Variants in RFX7 observed in about 807,000 individuals in gnomAD.
RFX7 encodes DNA-binding protein RFX7.
A neutral mutation model predicts 111.8 loss-of-function variants in RFX7; 26 were observed. That is an observed-to-expected ratio of 0.23 (90% CI 0.17 to 0.32). The LOEUF (loss-of-function observed/expected upper bound fraction) is 0.32, where lower values mean the gene tolerates loss of function less well. Among genes scored for constraint, RFX7 ranks in the 10% least tolerant of loss-of-function variants. The probability of loss-of-function intolerance (pLI) is 1.00; values close to 1 mark genes in which losing one functional copy is unlikely to be tolerated. For missense variants in RFX7, 1,573 were observed against 1,772.9 expected (o/e 0.89, Z 2.02); for synonymous variants, 624 against 624.4 (o/e 1.00, Z 0.01).
intron 6 of RFX7, among the ~76,000 whole-genome samples, chr15:56,103,248 G>A (rs1460240440): frequency 6.9e-6 from 1 of 145,318 alleles, no homozygotes; most frequent in Non-Finnish European, 1.5e-5. Flanking sequence ...TTAAACATAT[G>A]GCAGGCCTCA....
At chr15:56,183,821 T>A (rs1242998883) in intron 2 of RFX7, among the ~76,000 whole-genome samples, 1 of 133,312 alleles carries the variant, frequency 7.5e-6, no homozygotes, top group Admixed American at 7.7e-5. Context: ...AGATGACTGA[T>A]AATTTGCATT....
At chr15:56,230,119 GCCATCT>G (rs2043534043) in intron 2 of RFX7, among the ~76,000 whole-genome samples, 1 of 152,088 alleles carries the variant, frequency 6.6e-6, no homozygotes, top group African/African-American at 2.4e-5. Flanking sequence ...ACTTAAAAAA[GCCATCT>G]CCAATTCAAT....
At chr15:56,154,162 C>T (rs192483792) in intron 3 of RFX7, among the ~76,000 whole-genome samples, 1 of 152,232 alleles carries the variant, frequency 6.6e-6, no homozygotes, top group East Asian at 1.9e-4. Flanking sequence ...ATATTCCATG[C>T]TCATGGATAG....
At chr15:56,201,358 T>C (rs761559287) in intron 2 of RFX7, among the ~76,000 whole-genome samples, 1 of 152,062 alleles carries the variant, frequency 6.6e-6, no homozygotes, top group Non-Finnish European at 1.5e-5. Context: ...GAAAACCAAT[T>C]TGATAGTTAA....
At chr15:56,112,116 GA>G (rs754438474) in intron 5 of RFX7, among the ~76,000 whole-genome samples, 10,817 of 95,710 alleles carry the variant, frequency 0.11, 397 homozygotes, top group Admixed American at 0.16. Flanking sequence ...CTTTGCCCCA[GA>G]AAAAAAAAAA....
rs1308294253 is a variant in RFX7, at chr15:56,111,100, G to C, written c.402-7430C>G. Among the ~76,000 whole-genome samples, 81 of 133,988 alleles carry C rather than the reference G, an allele frequency of 6.0e-4. 2 individuals are homozygous for C. The highest frequency in any genetic ancestry group is 2.1e-3 in the African/African-American group (77 of 37,536). The allele number at this position is 133,988 out of a possible 152,430, so 87.9% of individuals were successfully genotyped here. On this transcript the variant is annotated intron_variant, in intron 5 of 9. Coordinates refer to ENST00000559447, the MANE Select transcript of RFX7 (RefSeq NM_022841.7). Reference sequence around the variant, plus strand: ...CGCCTCTGCCCGGCCGCCCCTACTGGGAAGTGAGGAGCCCCTCTGCCCGGC... The same window carrying C: ...CGCCTCTGCCCGGCCGCCCCTACTGCGAAGTGAGGAGCCCCTCTGCCCGGC...
At chr15:56,233,018 C>A (rs12592881) in intron 2 of RFX7, among the ~76,000 whole-genome samples, 19,825 of 152,240 alleles carry the variant, frequency 0.13, 1,687 homozygotes, top group East Asian at 0.44. Flanking sequence ...CTGCCTGTTA[C>A]CCAGTTCCAA....
intron 3 of RFX7, among the ~76,000 whole-genome samples, chr15:56,178,357 G>GA (rs1198317355): frequency 6.6e-6 from 1 of 151,962 alleles, no homozygotes. Context: ...GCTACCTATA[G>GA]AATAATAAGC....
intron 2 of RFX7, among the ~76,000 whole-genome samples, chr15:56,194,519 G>A (rs1466259304): frequency 6.6e-6 from 1 of 151,966 alleles, no homozygotes; most frequent in African/African-American, 2.4e-5. Context: ...GACTTGGCTC[G>A]CAGTCCATCA....
intron 2 of RFX7, among the ~76,000 whole-genome samples, chr15:56,216,957 C>G (rs77761855): frequency 6.6e-6 from 1 of 151,960 alleles, no homozygotes; most frequent in African/African-American, 2.4e-5. Context: ...CGTGGCTCTA[C>G]GGATATTCTT....
At chr15:56,183,632 CTATT>C (rs1163661151) in intron 2 of RFX7, among the ~76,000 whole-genome samples, 12 of 152,228 alleles carry the variant, frequency 7.9e-5, no homozygotes, top group Admixed American at 7.9e-4. Flanking sequence ...AAATTTAGGT[CTATT>C]TATTTGATTG....
At chr15:56,210,249 G>A (rs2043298619) in intron 2 of RFX7, among the ~76,000 whole-genome samples, 1 of 152,058 alleles carries the variant, frequency 6.6e-6, no homozygotes, top group African/African-American at 2.4e-5. Flanking sequence ...ATAGGTGAAT[G>A]CTTCAAGAAG....
intron 2 of RFX7, among the ~76,000 whole-genome samples, chr15:56,186,177 G>C (rs1427942880): frequency 2.0e-5 from 3 of 152,050 alleles, no homozygotes; most frequent in Non-Finnish European, 4.4e-5. Context: ...AAACTTCCTG[G>C]GTCTGTCTGT....
At chr15:56,143,879 G>A (rs1393036456) in intron 4 of RFX7, among the ~76,000 whole-genome samples, 1 of 152,120 alleles carries the variant, frequency 6.6e-6, no homozygotes, top group Non-Finnish European at 1.5e-5. Context: ...AAATTAGAAT[G>A]ACTGAATGAA....
At chr15:56,218,201 C>CTGGA (rs2043385076) in intron 2 of RFX7, among the ~76,000 whole-genome samples, 1 of 112,510 alleles carries the variant, frequency 8.9e-6, no homozygotes, top group Non-Finnish European at 1.6e-5. Context: ...GTTGCCCAGG[C>CTGGA]TGGAGTGCAA....
At chr15:56,200,580 C>A (rs1452396950) in intron 2 of RFX7, among the ~76,000 whole-genome samples, 1 of 152,030 alleles carries the variant, frequency 6.6e-6, no homozygotes, top group Non-Finnish European at 1.5e-5. Flanking sequence ...GTGGGCGGAT[C>A]ACGAGGTCAG....
chr15:56,215,313 G>A (rs1264136799), intron 2 of RFX7, among the ~76,000 whole-genome samples: 2 of 152,110 alleles, frequency 1.3e-5, no homozygotes, highest in East Asian at 3.9e-4. Context: ...GATACAGAGG[G>A]CTGACTGTTA....
intron 2 of RFX7, among the ~76,000 whole-genome samples, chr15:56,192,103 T>C (rs187761731): frequency 1.6e-3 from 242 of 152,200 alleles, no homozygotes; most frequent in East Asian, 3.1e-3. Context: ...ACCAACAGTA[T>C]AACGCTTTTT....
chr15:56,227,338 T>C (rs2043496073), intron 2 of RFX7, among the ~76,000 whole-genome samples: 1 of 152,218 alleles, frequency 6.6e-6, no homozygotes, highest in Non-Finnish European at 1.5e-5. Context: ...ATTGGTGTTA[T>C]TTAAAACATC....
Sources: gnomAD v4.1 joint callset for allele counts (sites outside exome capture counted in the v4.1 genomes callset) on GRCh38, gnomAD v4.1.1 for gene constraint, MANE v1.5 for transcripts, NCBI Gene and HGNC (gene_info 2026-07-23, HGNC 2026-07-21) for gene names.